BCAT1: variants seen among roughly 807,000 people sequenced by gnomAD.
BCAT1 encodes branched-chain-amino-acid aminotransferase, cytosolic.
BCAT1 carries 48 observed loss-of-function variants against 52.4 expected under a neutral mutation model. The ratio of observed to expected loss-of-function variants is 0.92; its 90% CI spans 0.73 to 1.16. The LOEUF (loss-of-function observed/expected upper bound fraction) is 1.16, where lower values mean the gene tolerates loss of function less well. Among genes scored for constraint, BCAT1 ranks in the 50% most tolerant of loss-of-function variants. The probability of loss-of-function intolerance (pLI) is 0.00; values close to 1 mark genes in which losing one functional copy is unlikely to be tolerated. For missense variants in BCAT1, 451 were observed against 457.1 expected (o/e 0.99, Z 0.12); for synonymous variants, 167 against 161.3 (o/e 1.04, Z -0.27).
chr12:24,852,477 T>C (rs1204869529), intron 5 of BCAT1, among the ~76,000 whole-genome samples: 1 of 152,230 alleles, frequency 6.6e-6, no homozygotes, highest in Non-Finnish European at 1.5e-5. Flanking sequence ...CAAACTAATG[T>C]ATTTTATGCA....
rs1566542213 is a variant in BCAT1, at chr12:24,811,983, A to G, written c.*6025T>C. The G allele has an allele frequency of 6.6e-6, 1 of 152,146 alleles. No individual in the cohort carries two copies. 9.4% of individuals were successfully genotyped at this position (152,146 alleles called of 1,614,324 possible). On this transcript the variant is annotated 3_prime_UTR_variant, in exon 11 of 11. Transcript: ENST00000261192. Reference sequence around the variant, plus strand: ...AGTGGGTTGAGCCCCAGCTCCATGTATTAGGTAGCTAGGTATATTGTGGGA... The same window carrying G: ...AGTGGGTTGAGCCCCAGCTCCATGTGTTAGGTAGCTAGGTATATTGTGGGA...
At chr12:24,923,868 A>G (rs1024801374) in intron 1 of BCAT1, among the ~76,000 whole-genome samples, 19 of 152,238 alleles carry the variant, frequency 1.2e-4, no homozygotes, top group African/African-American at 4.6e-4. Flanking sequence ...TATCAGAGTG[A>G]AAAGCAGAAT....
intron 5 of BCAT1, among the ~76,000 whole-genome samples, chr12:24,853,622 C>T (rs1941581003): frequency 6.6e-6 from 1 of 152,012 alleles, no homozygotes; most frequent in African/African-American, 2.4e-5. Context: ...TAAAAAAAGT[C>T]AATTAACTTG....
At chr12:24,890,785 C>G (rs1565484907) in intron 3 of BCAT1, among the ~76,000 whole-genome samples, 1 of 152,202 alleles carries the variant, frequency 6.6e-6, no homozygotes, top group Non-Finnish European at 1.5e-5. Flanking sequence ...CTCGGAGCTC[C>G]TCTGTCTACG....
intron 3 of BCAT1, among the ~76,000 whole-genome samples, chr12:24,891,852 C>T (rs1378267235): frequency 2.6e-5 from 4 of 151,436 alleles, no homozygotes; most frequent in African/African-American, 9.7e-5. Flanking sequence ...GGGTTCACGT[C>T]ATTTTCCTGC....
chr12:24,878,133 G>A (rs867789281), intron 5 of BCAT1, among the ~76,000 whole-genome samples: 22 of 140,564 alleles, frequency 1.6e-4, no homozygotes, highest in Admixed American at 1.4e-3. Context: ...CAGCCTAAGC[G>A]ACAACGTGGG....
At chr12:24,902,002 C>CA (rs1425035644) in intron 1 of BCAT1, 117 bp from the exon 2 acceptor site, 22 of 1,594,436 alleles carry the variant, frequency 1.4e-5, no homozygotes, top group African/African-American at 5.4e-5. Context: ...CAGGCAAACA[C>CA]AAAAAAGGAG....
chr12:24,857,995 G>A (rs1226732306), intron 5 of BCAT1, among the ~76,000 whole-genome samples: 1 of 152,064 alleles, frequency 6.6e-6, no homozygotes, highest in Non-Finnish European at 1.5e-5. Flanking sequence ...CTCCCAGAGG[G>A]GATGGGCTGA....
chr12:24,948,979 C>T lies in BCAT1; in HGVS notation c.-47G>A. On this transcript the variant is annotated 5_prime_UTR_variant, in exon 1 of 11. Coordinates refer to ENST00000261192, the MANE Select transcript of BCAT1 (RefSeq NM_005504.7). ...AGCTCGAGCTGAGCGGAGGGCAGAT[C>T]CCAAGGGTCGTAGCCCCTGGCCGTG... 1.3e-6 allele frequency: 2 copies of T among 1,578,224 alleles called. No homozygotes were observed. Among genetic ancestry groups the T allele is most frequent in the Non-Finnish European group, 1.7e-6 (2 of 1,161,460 alleles).
At chr12:24,862,584 T>A (rs1338668337) in intron 5 of BCAT1, among the ~76,000 whole-genome samples, 1 of 152,208 alleles carries the variant, frequency 6.6e-6, no homozygotes, top group Non-Finnish European at 1.5e-5. Context: ...TTGTGATGCA[T>A]GCTGCATACA....
intron 10 of BCAT1, among the ~76,000 whole-genome samples, chr12:24,826,465 T>C (rs1940403653): frequency 6.6e-6 from 1 of 152,164 alleles, no homozygotes; most frequent in Non-Finnish European, 1.5e-5. Context: ...CTTAGGTATC[T>C]GGGTTCTCTA....
chr12:24,836,900 A>AGAG (rs1184530263), intron 7 of BCAT1, among the ~76,000 whole-genome samples: 26 of 45,670 alleles, frequency 5.7e-4, no homozygotes, highest in African/African-American at 8.4e-4. Context: ...AAAGAAAGAA[A>AGAG]AGAAAGAGAG....
chr12:24,870,711 T>C (rs1942162282), intron 5 of BCAT1, among the ~76,000 whole-genome samples: 1 of 152,166 alleles, frequency 6.6e-6, no homozygotes, highest in Non-Finnish European at 1.5e-5. Context: ...ATCCCTAAAA[T>C]ACTGCATAAG....
chr12:24,918,289 G>A (rs1190765373), intron 1 of BCAT1, among the ~76,000 whole-genome samples: 1 of 152,116 alleles, frequency 6.6e-6, no homozygotes, highest in East Asian at 1.9e-4. Context: ...AAGAACCATC[G>A]GGTGCCTGAC....
intron 5 of BCAT1, among the ~76,000 whole-genome samples, chr12:24,875,560 T>C (rs775187379): frequency 1.3e-5 from 2 of 152,206 alleles, no homozygotes; most frequent in Non-Finnish European, 2.9e-5. Flanking sequence ...CATAAGTTGA[T>C]AGAGTGTATA....
At chr12:24,829,955 G>A (rs1940582404) in intron 9 of BCAT1, 58 bp from the exon 10 acceptor site, 3 of 1,320,610 alleles carry the variant, frequency 2.3e-6, no homozygotes, top group Non-Finnish European at 2.1e-6. Flanking sequence ...GGTGATAACA[G>A]ATAAGACACT....
Position 24,842,098 on chromosome 12 carries a change from C to T in BCAT1, c.801G>A (p.Trp267Ter). ...EVGTMNLFLY[W>*]INEDGEEELA... The stretch of plus-strand genomic sequence containing the variant: ...GTGGATTACCTCCATCTTCATTTAT[C>T]CAGTAAAGAAAAAGATTCATAGTTC... The change falls in exon 7 of 11, where the codon TGG becomes TGA. Residue 267 changes from tryptophan to a stop codon, truncating the protein, a stop_gained. Transcript: ENST00000261192. LOFTEE classifies it high-confidence loss of function. 1 of 1,613,736 alleles carries T rather than the reference C, an allele frequency of 6.2e-7. No homozygotes were observed. The highest frequency in any genetic ancestry group is 8.5e-7 in the Non-Finnish European group (1 of 1,179,794).
chr12:24,917,336 G>C (rs140667400), intron 1 of BCAT1, among the ~76,000 whole-genome samples: 1 of 151,216 alleles, frequency 6.6e-6, no homozygotes, highest in Non-Finnish European at 1.5e-5. Flanking sequence ...CCGCCACCAC[G>C]CCCGGCTAAT....
chr12:24,813,802 T>C lies in BCAT1; in HGVS notation c.*4206A>G, dbSNP rs1222034002. The C allele has an allele frequency of 6.6e-6, 1 of 152,120 alleles. No homozygotes were observed. The highest frequency in any genetic ancestry group is 1.5e-5 in the Non-Finnish European group (1 of 67,962). 9.4% of individuals were successfully genotyped at this position (152,120 alleles called of 1,614,324 possible). A position where few individuals can be genotyped will look rare whatever the true frequency, so the allele number is the denominator to read the frequency against. On this transcript the variant is annotated 3_prime_UTR_variant, in exon 11 of 11. Coordinates refer to ENST00000261192, the MANE Select transcript of BCAT1 (RefSeq NM_005504.7). ...TGATTTCTTGATAAGAGATGTGTTC[T>C]GGCCTTCTTTGCTTATGATCTAACT...
Sources: gnomAD v4.1 joint callset for allele counts (sites outside exome capture counted in the v4.1 genomes callset) on GRCh38, gnomAD v4.1.1 for gene constraint, MANE v1.5 for transcripts, NCBI Gene and HGNC (gene_info 2026-07-23, HGNC 2026-07-21) for gene names.